MPDZ: variants seen among roughly 807,000 people sequenced by gnomAD.
MPDZ encodes the protein multiple PDZ domain protein.
Under a neutral mutation model 239.1 loss-of-function variants are expected in MPDZ, and 234 were observed. The observed-to-expected ratio is 0.98, with a 90% confidence interval of 0.88 to 1.09. MPDZ has a LOEUF of 1.09. Among genes scored for constraint, MPDZ ranks in the 50% least tolerant of loss-of-function variants. MPDZ has a pLI of 0.00. For synonymous variants in MPDZ, 1,048 were observed against 881.3 expected (o/e 1.19, Z -3.35); for missense variants, 3,175 against 2,510.0 (o/e 1.26, Z -5.66).
At chr9:13,209,932 A>T (rs1013887135) in intron 10 of MPDZ, among the ~76,000 whole-genome samples, 6 of 151,950 alleles carry the variant, frequency 3.9e-5, no homozygotes, top group Non-Finnish European at 8.8e-5. Context: ...AGGAAATCCA[A>T]CACACTAATA....
At position 13,110,065 on chromosome 9, in the gene MPDZ, C is replaced by G; in HGVS notation, c.5830-1G>C. The G allele has an allele frequency of 6.2e-7, 1 of 1,610,956 alleles. No homozygotes were observed. The highest frequency in any genetic ancestry group is 8.5e-7 in the Non-Finnish European group (1 of 1,178,310). On this transcript the variant is annotated splice_acceptor_variant, in intron 44 of 46. Coordinates refer to ENST00000319217, the MANE Select transcript of MPDZ (RefSeq NM_001378778.1). LOFTEE classifies it high-confidence loss of function. Reference sequence around the variant, plus strand: ...CACTCACGTCTCCTCCAGCAACCACCTGCGCACAGGAGGAGGATAAACAGA... The same window carrying G: ...CACTCACGTCTCCTCCAGCAACCACGTGCGCACAGGAGGAGGATAAACAGA...
chr9:13,155,784 T>C (rs920201336), intron 24 of MPDZ, among the ~76,000 whole-genome samples: 1 of 152,206 alleles, frequency 6.6e-6, no homozygotes, highest in Non-Finnish European at 1.5e-5. Context: ...TATTAAAAGC[T>C]CTGGTTACTC....
At chr9:13,232,124 T>C (rs1436935107) in intron 3 of MPDZ, among the ~76,000 whole-genome samples, 1 of 152,100 alleles carries the variant, frequency 6.6e-6, no homozygotes, top group Non-Finnish European at 1.5e-5. Flanking sequence ...AAGACTAGAA[T>C]TGAAGAAACA....
chr9:13,262,255 T>C (rs561429613), intron 1 of MPDZ, among the ~76,000 whole-genome samples: 22 of 151,490 alleles, frequency 1.5e-4, no homozygotes, highest in Non-Finnish European at 1.0e-4. Context: ...TTGAGCCCAG[T>C]AGTTTGAGAC....
intron 12 of MPDZ, among the ~76,000 whole-genome samples, chr9:13,198,875 G>A (rs1252365462): frequency 6.6e-6 from 1 of 151,076 alleles, no homozygotes; most frequent in Non-Finnish European, 1.5e-5. Flanking sequence ...TTGGCTATTT[G>A]GAGTCATTTG....
intron 26 of MPDZ, 123 bp downstream of exon 26, chr9:13,147,425 C>A: frequency 1.5e-6 from 1 of 679,056 alleles, no homozygotes; most frequent in Non-Finnish European, 2.6e-6. Context: ...AAACTTCTAA[C>A]AAGTCTCCTG....
rs1187795235 is a variant in MPDZ at position 13,159,114 on chromosome 9, T to C, written c.3360-1004A>G. Among the ~76,000 whole-genome samples the C allele has an allele frequency of 3.9e-5, 6 of 152,166 alleles. No homozygotes were observed. In the East Asian group the frequency reaches 9.6e-4, roughly 24 times the overall value. On this transcript the variant is annotated intron_variant, in intron 23 of 46. Coordinates refer to ENST00000319217, the MANE Select transcript of MPDZ (RefSeq NM_001378778.1). ...AGGAATACTGAACTGTCTCAACTGA[T>C]ATAATATGTTGAATTAAAGATCAGA...
intron 22 of MPDZ, among the ~76,000 whole-genome samples, 198 bp from the exon 23 acceptor site, chr9:13,162,993 G>A (rs1032003490): frequency 2.0e-4 from 30 of 152,224 alleles, no homozygotes; most frequent in Admixed American, 1.9e-3. Flanking sequence ...AGTAACAACA[G>A]AAACTAAGTT....
At position 13,222,269 on chromosome 9, in the gene MPDZ, T is replaced by C. The variant is rs759561467; in HGVS notation, c.711A>G (p.Pro237=). ...GAGCTGAAATTGTGCTGGCTGCAGA[T>C]GGAGAACGGGAAACTATGGGGCTGA... ...QLVSPIVSRS[P]SAASTISAHS... Residue 237 remains proline, a synonymous_variant, in exon 6 of 47, where the codon CCA becomes CCG. Transcript: ENST00000319217. 4.3e-6 allele frequency: 7 copies of C among 1,612,640 alleles called. No homozygotes were observed. Among genetic ancestry groups the C allele is most frequent in the African/African-American group, 4.0e-5 (3 of 74,840 alleles).
chr9:13,231,554 T>G (rs1290289156), intron 3 of MPDZ, among the ~76,000 whole-genome samples: 1 of 151,884 alleles, frequency 6.6e-6, no homozygotes, highest in Non-Finnish European at 1.5e-5. Flanking sequence ...CAACTCTATT[T>G]AAAAAAATAA....
At chr9:13,206,173 T>C in intron 10 of MPDZ, 74 bp from the exon 11 acceptor site, 4 of 1,358,554 alleles carry the variant, frequency 2.9e-6, no homozygotes, top group South Asian at 2.7e-5. Flanking sequence ...TCACAAAATG[T>C]GTATGTATAG....
At position 13,122,181 on chromosome 9, in the gene MPDZ, A is replaced by T; in HGVS notation, c.4954-11T>A. 6.2e-7 allele frequency: 1 copy of T among 1,612,540 alleles called. No individual in the cohort carries two copies. Among genetic ancestry groups the T allele is most frequent in the East Asian group, 2.2e-5 (1 of 44,860 alleles). On this transcript the variant is annotated splice_polypyrimidine_tract_variant and intron_variant, in intron 36 of 46. Coordinates refer to ENST00000319217, the MANE Select transcript of MPDZ (RefSeq NM_001378778.1). ...GATAATAATGGCACCCTAAGGGCCCAAACAAAACATACCCATACTTATCCC... is the reference window on the plus strand; with the variant it reads ...GATAATAATGGCACCCTAAGGGCCCTAACAAAACATACCCATACTTATCCC...
chr9:13,145,567 G>A (rs1239389737), intron 26 of MPDZ, among the ~76,000 whole-genome samples: 1 of 151,926 alleles, frequency 6.6e-6, no homozygotes, highest in African/African-American at 2.4e-5. Flanking sequence ...TTAGATTACT[G>A]GAGACCTAAT....
At chr9:13,172,253 T>A (rs1422760634) in intron 21 of MPDZ, among the ~76,000 whole-genome samples, 3 of 152,120 alleles carry the variant, frequency 2.0e-5, no homozygotes, top group Non-Finnish European at 4.4e-5. Flanking sequence ...TATAAACATA[T>A]TGGGCATAGC....
intron 8 of MPDZ, among the ~76,000 whole-genome samples, chr9:13,217,977 G>C (rs1047344538): frequency 6.6e-6 from 1 of 151,702 alleles, no homozygotes; most frequent in Non-Finnish European, 1.5e-5. Flanking sequence ...TTAGTTGATT[G>C]GTACAATATA....
intron 15 of MPDZ, 112 bp downstream of exon 15, chr9:13,192,019 A>C (rs1490690119): frequency 1.1e-6 from 1 of 950,100 alleles, no homozygotes; most frequent in African/African-American, 1.7e-5. Context: ...CCTCCAAGCC[A>C]TGGGCGATGT....
chr9:13,117,762 A>G (rs780070556), intron 39 of MPDZ, among the ~76,000 whole-genome samples: 1 of 152,208 alleles, frequency 6.6e-6, no homozygotes. Flanking sequence ...AATTACTAAT[A>G]AAACAAAAAT....
chr9:13,158,177 C>G (rs897865212), intron 23 of MPDZ, 67 bp from the exon 24 acceptor site: 9 of 1,209,330 alleles, frequency 7.4e-6, no homozygotes, highest in Non-Finnish European at 9.6e-6. Flanking sequence ...TATATGTACT[C>G]TACTATTGAT....
At chr9:13,236,270 T>A (rs1227357667) in intron 3 of MPDZ, among the ~76,000 whole-genome samples, 3,962 of 18,932 alleles carry the variant, frequency 0.21, 902 homozygotes, top group East Asian at 0.32. Flanking sequence ...TATATATATT[T>A]TTTTTTTTTT....
Sources: gnomAD v4.1 joint callset for allele counts (sites outside exome capture counted in the v4.1 genomes callset) on GRCh38, gnomAD v4.1.1 for gene constraint, MANE v1.5 for transcripts, NCBI Gene and HGNC (gene_info 2026-07-23, HGNC 2026-07-21) for gene names.